AIG1: variants seen among roughly 807,000 people sequenced by gnomAD.
AIG1 encodes androgen-induced gene 1 protein.
In AIG1, 23 loss-of-function variants were observed where a neutral mutation model predicts 31.4. The observed-to-expected ratio is 0.73, with a 90% CI of 0.53 to 1.04. AIG1 has a LOEUF of 1.04. AIG1 is among the 50% of genes least tolerant of loss of function. AIG1 has a pLI of 0.00. For synonymous variants in AIG1, 100 were observed against 110.5 expected, an observed-to-expected ratio of 0.90 and a Z score of 0.60; for missense variants, 274 against 295.0, an observed-to-expected ratio of 0.93 and a Z score of 0.52.
At chr6:143,151,707 T>A (rs1785247505) in intron 2 of AIG1, among the ~76,000 whole-genome samples, 1 of 152,180 alleles carries the variant, frequency 6.6e-6, no homozygotes, top group African/African-American at 2.4e-5. Flanking sequence ...AAAGATTAAA[T>A]CAGACAGATA....
intron 1 of AIG1, among the ~76,000 whole-genome samples, chr6:143,132,208 T>G (rs1783302643): frequency 6.6e-6 from 1 of 152,176 alleles, no homozygotes; most frequent in African/African-American, 2.4e-5. Context: ...CATATCTATA[T>G]TATCCACATC....
intron 3 of AIG1, among the ~76,000 whole-genome samples, chr6:143,208,356 G>A (rs1791292523): frequency 6.6e-6 from 1 of 152,138 alleles, no homozygotes; most frequent in South Asian, 2.1e-4. Context: ...AGAGCCATGG[G>A]CCACTTTCTC....
intron 3 of AIG1, among the ~76,000 whole-genome samples, chr6:143,191,439 A>G (rs1397693911): frequency 6.6e-6 from 1 of 152,176 alleles, no homozygotes; most frequent in Non-Finnish European, 1.5e-5. Context: ...CAAAATATAA[A>G]TCTTTTATAT....
At chr6:143,164,851 C>T in intron 2 of AIG1, 1 of 388,656 alleles carries the variant, frequency 2.6e-6, no homozygotes, top group Non-Finnish European at 4.7e-6. Context: ...GAAACCAATC[C>T]CTTTGCCTGA....
intron 3 of AIG1, among the ~76,000 whole-genome samples, chr6:143,269,748 A>G (rs1462296183): frequency 6.6e-6 from 1 of 152,262 alleles, no homozygotes; most frequent in Non-Finnish European, 1.5e-5. Context: ...GATTCCATTT[A>G]TACAAATGTA....
At chr6:143,233,661 T>G (rs2128633387) in intron 3 of AIG1, among the ~76,000 whole-genome samples, 1 of 152,190 alleles carries the variant, frequency 6.6e-6, no homozygotes, top group East Asian at 1.9e-4. Flanking sequence ...ATAGCCAGAT[T>G]GGTTACACTT....
At chr6:143,168,980 A>C (rs567503079) in intron 3 of AIG1, among the ~76,000 whole-genome samples, 103 of 151,884 alleles carry the variant, frequency 6.8e-4, no homozygotes, top group Non-Finnish European at 1.1e-3. Context: ...GCTGACATGA[A>C]GGCAAGAAAA....
chr6:143,086,607 G>C (rs750733147), intron 1 of AIG1, among the ~76,000 whole-genome samples: 5 of 152,072 alleles, frequency 3.3e-5, no homozygotes, highest in African/African-American at 4.8e-5. Flanking sequence ...GACACCCTGG[G>C]TTCATAGCCT....
At chr6:143,178,444 C>G (rs1348709971) in intron 3 of AIG1, among the ~76,000 whole-genome samples, 1 of 152,178 alleles carries the variant, frequency 6.6e-6, no homozygotes, top group Non-Finnish European at 1.5e-5. Flanking sequence ...AGGTAGCTCC[C>G]TATACTGAGC....
intron 1 of AIG1, among the ~76,000 whole-genome samples, chr6:143,109,738 T>G (rs372507139): frequency 5.4e-4 from 82 of 152,312 alleles, no homozygotes; most frequent in African/African-American, 1.9e-3. Context: ...TAGTCTTTCT[T>G]TTACTCTGGC....
At chr6:143,311,383 A>G (rs904740373) in intron 4 of AIG1, among the ~76,000 whole-genome samples, 17 of 151,930 alleles carry the variant, frequency 1.1e-4, no homozygotes, top group African/African-American at 4.1e-4. Flanking sequence ...ATAACAAAAT[A>G]TTGCATGTAC....
chr6:143,115,266 T>C (rs1363194904), intron 1 of AIG1, among the ~76,000 whole-genome samples: 1 of 152,226 alleles, frequency 6.6e-6, no homozygotes, highest in Non-Finnish European at 1.5e-5. Context: ...TCATTTTCAT[T>C]CATATGTCCA....
chr6:143,147,758 T>G lies in AIG1; in HGVS notation c.297+10768T>G, dbSNP rs533529238. Among the ~76,000 whole-genome samples the G allele has an allele frequency of 3.9e-5, 6 of 152,300 alleles. 1 individual carries two copies. The highest frequency in any genetic ancestry group is 4.4e-5 in the Non-Finnish European group (3 of 68,028). ...TCACCTCTGTTTTAGTTCCTGCCTGTGAATGAGCAGTTCCACTTGCACTTT... is the reference window on the plus strand; with the variant it reads ...TCACCTCTGTTTTAGTTCCTGCCTGGGAATGAGCAGTTCCACTTGCACTTT... On this transcript the variant is annotated intron_variant, in intron 2 of 5. Coordinates refer to ENST00000357847, the MANE Select transcript of AIG1 (RefSeq NM_016108.4).
Position 143,331,708 on chromosome 6 carries a change from A to G in AIG1, c.516-1574A>G, listed in dbSNP as rs546927243. On this transcript the variant is annotated intron_variant, in intron 4 of 5. Coordinates refer to ENST00000357847, the MANE Select transcript of AIG1 (RefSeq NM_016108.4). The surrounding 1 kb of genome is among the most constrained non-coding windows in gnomAD (Gnocchi z 4.1). ...TCTGTGCTTTCTACATAAAAAGTGC[A>G]AAATTGTTTTACCACCAACCCCAGA... Among the ~76,000 whole-genome samples the G allele has an allele frequency of 1.3e-5, 2 of 152,010 alleles. No homozygotes were observed. The highest frequency in any genetic ancestry group is 3.9e-4 in the East Asian group (2 of 5,168).
At chr6:143,274,544 A>G (rs905334399) in intron 3 of AIG1, among the ~76,000 whole-genome samples, 2 of 152,218 alleles carry the variant, frequency 1.3e-5, no homozygotes, top group African/African-American at 2.4e-5. Context: ...ATGCAACCCC[A>G]GTGAATGAGA....
chr6:143,321,222 A>G (rs1776182663), intron 4 of AIG1, among the ~76,000 whole-genome samples: 1 of 152,180 alleles, frequency 6.6e-6, no homozygotes, highest in Non-Finnish European at 1.5e-5. Flanking sequence ...GATGGTTTCA[A>G]TGGACTTATA....
At chr6:143,196,350 AACACACACACACAC>A (rs71784011) in intron 3 of AIG1, among the ~76,000 whole-genome samples, 86 of 141,716 alleles carry the variant, frequency 6.1e-4, no homozygotes, top group Non-Finnish European at 9.2e-4. Context: ...CAACAAAAGC[AACACACACACACAC>A]ACACACACAC....
At chr6:143,164,277 CT>C (rs1229619279) in intron 2 of AIG1, among the ~76,000 whole-genome samples, 1 of 152,168 alleles carries the variant, frequency 6.6e-6, no homozygotes, top group Non-Finnish European at 1.5e-5. Context: ...AAAACACACA[CT>C]TTTTCTTTTA....
chr6:143,074,535 G>C (rs1177024426), intron 1 of AIG1, among the ~76,000 whole-genome samples: 1 of 152,114 alleles, frequency 6.6e-6, no homozygotes, highest in East Asian at 1.9e-4. Context: ...TGGTGGCTTT[G>C]TCAAAAATTA....
Sources: gnomAD v4.1 joint callset for allele counts (sites outside exome capture counted in the v4.1 genomes callset) on GRCh38, gnomAD v4.1.1 for gene constraint, Gnocchi (gnomAD v3.1) non-coding constraint, MANE v1.5 for transcripts, NCBI Gene and HGNC (gene_info 2026-07-23, HGNC 2026-07-21) for gene names.